FAM120B: variants seen among roughly 807,000 people sequenced by gnomAD.
FAM120B encodes family with sequence similarity 120 member B, also known as constitutive coactivator of peroxisome proliferator-activated receptor gamma.
A neutral mutation model predicts 96.3 loss-of-function variants in FAM120B; 83 were observed. That is an observed-to-expected ratio of 0.86 (90% confidence interval 0.72 to 1.03). The LOEUF (loss-of-function observed/expected upper bound fraction) is 1.03. Among genes scored for constraint, FAM120B ranks in the 50% least tolerant of loss-of-function variants. The pLI, the probability that FAM120B is intolerant of heterozygous loss-of-function variation, is 0.00. For missense variants in FAM120B, 1,027 were observed against 1,121.2 expected (o/e 0.92, Z 1.20); for synonymous variants, 407 against 402.7 (o/e 1.01, Z -0.13).
intron 5 of FAM120B, among the ~76,000 whole-genome samples, chr6:170,353,858 A>G (rs1787732178): frequency 6.6e-6 from 1 of 152,240 alleles, no homozygotes; most frequent in African/African-American, 2.4e-5. Context: ...AAAGTAATTT[A>G]TAGATTCAAT....
At position 170,368,821 on chromosome 6, in the gene FAM120B, G is replaced by GC. The variant is rs1554287938; in HGVS notation, c.2283+10503_2283+10504insC. 4.4e-4 allele frequency among the ~76,000 whole-genome samples: 9 copies of GC among 20,346 alleles called. 1 individual carries two copies. The highest frequency in any genetic ancestry group is 9.0e-4 in the Non-Finnish European group (4 of 4,420). The allele number at this position is 20,346 out of a possible 152,430, so 13.3% of individuals were successfully genotyped here. ...AGCAGCTCTGCTGTCTGCCGGGGCT[G>GC]GGGGGGGGGCTCCCTCCTGGCTTGC... is the stretch of plus-strand genomic sequence containing the variant. On this transcript the variant is annotated intron_variant, in intron 6 of 10. Transcript: ENST00000476287.
At chr6:170,380,372 G>C (rs1346257242) in intron 6 of FAM120B, among the ~76,000 whole-genome samples, 1 of 152,182 alleles carries the variant, frequency 6.6e-6, no homozygotes, top group Admixed American at 6.5e-5. Context: ...ATAACTACAA[G>C]TGAGATTGCT....
upstream of FAM120B, among the ~76,000 whole-genome samples, chr6:170,293,416 G>A (rs1368526695): frequency 6.6e-6 from 1 of 151,996 alleles, no homozygotes; most frequent in African/African-American, 2.4e-5. Flanking sequence ...CTTAAACCTT[G>A]GGGGGAAAAA....
intron 6 of FAM120B, among the ~76,000 whole-genome samples, chr6:170,373,566 G>C (rs1789328905): frequency 6.6e-6 from 1 of 152,166 alleles, no homozygotes; most frequent in Non-Finnish European, 1.5e-5. Flanking sequence ...TGTTTTTTCT[G>C]TTTGATTAGT....
chr6:170,308,640 T>C (rs999080428), intron 1 of FAM120B, among the ~76,000 whole-genome samples: 2 of 152,232 alleles, frequency 1.3e-5, no homozygotes, highest in African/African-American at 4.8e-5. Flanking sequence ...CTTGTGTTTA[T>C]AATTTGTATT....
At chr6:170,346,003 G>A (rs1787156784) in intron 4 of FAM120B, among the ~76,000 whole-genome samples, 2 of 152,228 alleles carry the variant, frequency 1.3e-5, no homozygotes. Flanking sequence ...GCCGAATACT[G>A]TAGGCAGCTG....
At chr6:170,332,147 A>G (rs1317808601) in intron 4 of FAM120B, among the ~76,000 whole-genome samples, 1 of 152,120 alleles carries the variant, frequency 6.6e-6, no homozygotes, top group African/African-American at 2.4e-5. Context: ...TCTCAAACAC[A>G]CTCATTTCCA....
At chr6:170,361,242 A>ATATATATATATATATATATACGTG (rs1374958889) in intron 6 of FAM120B, among the ~76,000 whole-genome samples, 9 of 130,048 alleles carry the variant, frequency 6.9e-5, no homozygotes, top group African/African-American at 2.9e-4. Context: ...ATATACACGT[A>ATATATATATATATATATATACGTG]TATATATATA....
intron 4 of FAM120B, among the ~76,000 whole-genome samples, chr6:170,345,815 G>A (rs1413131820): frequency 6.6e-6 from 1 of 152,214 alleles, no homozygotes; most frequent in East Asian, 1.9e-4. Context: ...TATGTATTCA[G>A]GAAGTCTCTC....
At chr6:170,330,196 A>G (rs1467209475) in intron 3 of FAM120B, among the ~76,000 whole-genome samples, 1 of 152,182 alleles carries the variant, frequency 6.6e-6, no homozygotes, top group Non-Finnish European at 1.5e-5. Flanking sequence ...TCTCTCCCAT[A>G]TTATTGTTTA....
rs571364931 is a variant in FAM120B, at chr6:170,395,136, G to A, written c.2600-351G>A. 3.1e-3 allele frequency among the ~76,000 whole-genome samples: 477 copies of A among 152,274 alleles called. 2 individuals are homozygous for A. The highest frequency in any genetic ancestry group is 4.9e-3 in the Non-Finnish European group (331 of 68,022). ...AAGTGCTGCTCCATGCCTCAACCAG[G>A]GCCCTAGAGGGATGGGCTTGGTCAT... On this transcript the variant is annotated intron_variant, in intron 8 of 10. Coordinates refer to ENST00000476287, the MANE Select transcript of FAM120B (RefSeq NM_032448.3).
intron 6 of FAM120B, 55 bp from the exon 7 acceptor site, chr6:170,388,232 T>G: frequency 6.7e-7 from 1 of 1,482,902 alleles, no homozygotes; most frequent in Non-Finnish European, 9.4e-7. Context: ...GAGATCTGTT[T>G]CCTGCATGTG....
chr6:170,383,424 T>G (rs1045331391), intron 6 of FAM120B, among the ~76,000 whole-genome samples: 5 of 152,228 alleles, frequency 3.3e-5, no homozygotes, highest in African/African-American at 1.2e-4. Context: ...GACAGAGATC[T>G]TATACCTAGA....
intron 9 of FAM120B, chr6:170,404,232 C>A: frequency 3.5e-6 from 1 of 287,668 alleles, no homozygotes; most frequent in Admixed American, 5.1e-5. Context: ...GAGCCATCTG[C>A]ATGTGAATTT....
At position 170,356,064 on chromosome 6, in the gene FAM120B, T is replaced by C. The variant is rs1001960898; in HGVS notation, c.2191-2162T>C. ...CAGCGCAGTTCTACCTTCCCATCCC[T>C]GTGCAGGTGACTGTCAGTTCTTTAA... On this transcript the variant is annotated intron_variant, in intron 5 of 10. Coordinates refer to ENST00000476287, the MANE Select transcript of FAM120B (RefSeq NM_032448.3). Among the ~76,000 whole-genome samples the C allele has an allele frequency of 2.6e-5, 4 of 152,330 alleles. No individual in the cohort carries two copies. In the East Asian group the frequency reaches 7.7e-4, roughly 30 times the overall value.
intron 9 of FAM120B, among the ~76,000 whole-genome samples, chr6:170,401,284 C>T (rs906376644): frequency 6.6e-6 from 1 of 152,194 alleles, no homozygotes; most frequent in South Asian, 2.1e-4. Flanking sequence ...ATGGCAGCTC[C>T]TTGGGGCAGG....
intron 4 of FAM120B, among the ~76,000 whole-genome samples, chr6:170,334,799 T>A (rs1786303050): frequency 6.6e-6 from 1 of 152,244 alleles, no homozygotes; most frequent in Admixed American, 6.5e-5. Flanking sequence ...GCATTACTAC[T>A]TTTTATAGCC....
At chr6:170,404,724 C>G in intron 10 of FAM120B, 39 bp from the exon 11 acceptor site, 1 of 754,902 alleles carries the variant, frequency 1.3e-6, no homozygotes, top group Non-Finnish European at 2.2e-6. Context: ...GACCTGGTGC[C>G]GAGTTAACTT....
chr6:170,294,396 T>C (rs1783952035), upstream of FAM120B, among the ~76,000 whole-genome samples: 1 of 152,142 alleles, frequency 6.6e-6, no homozygotes, highest in Non-Finnish European at 1.5e-5. The surrounding 1 kb of genome is among the most constrained non-coding windows in gnomAD (Gnocchi z 7.9). Flanking sequence ...TTTGTTTTGT[T>C]TTCTGGGCAG....
Sources: gnomAD v4.1 joint callset for allele counts (sites outside exome capture counted in the v4.1 genomes callset) on GRCh38, gnomAD v4.1.1 for gene constraint, Gnocchi (gnomAD v3.1) non-coding constraint, MANE v1.5 for transcripts, NCBI Gene and HGNC (gene_info 2026-07-23, HGNC 2026-07-21) for gene names.